Variants in SIAH3 observed in about 807,000 individuals in gnomAD.
SIAH3 encodes the protein siah E3 ubiquitin protein ligase family member 3.
A neutral mutation model predicts 12.6 loss-of-function variants in SIAH3; 9 were observed. The ratio of observed to expected loss-of-function variants is 0.72; its 90% CI spans 0.43 to 1.25. The LOEUF is 1.25. SIAH3 is among the 50% of genes most tolerant of loss of function. SIAH3 has a pLI of 0.00. For synonymous variants in SIAH3, 154 were observed against 151.1 expected, an observed-to-expected ratio of 1.02 and a Z score of -0.14; for missense variants, 390 against 365.4, an observed-to-expected ratio of 1.07 and a Z score of -0.55.
chr13:45,809,201 G>A (rs1950608213), intron 1 of SIAH3, among the ~76,000 whole-genome samples: 1 of 152,214 alleles, frequency 6.6e-6, no homozygotes, highest in South Asian at 2.1e-4. Context: ...ACTTAAGGTG[G>A]GGAGAATGCG....
intron 1 of SIAH3, among the ~76,000 whole-genome samples, chr13:45,812,221 T>A (rs931205970): frequency 6.6e-6 from 1 of 152,216 alleles, no homozygotes; most frequent in African/African-American, 2.4e-5. Flanking sequence ...CTATGTCCCA[T>A]GCTTTCCAGT....
intron 1 of SIAH3, among the ~76,000 whole-genome samples, chr13:45,837,560 GGAAGGAAGGAAT>G (rs1312213366): frequency 1.7e-3 from 106 of 61,484 alleles, no homozygotes; most frequent in African/African-American, 3.9e-3. Flanking sequence ...AAAGAAGGAG[GGAAGGAAGGAAT>G]GAAGGAAGGA....
rs1321372769 is a variant in SIAH3 at position 45,808,295 on chromosome 13, AAT to A, written c.136-24240_136-24239del. Among the ~76,000 whole-genome samples the A allele has an allele frequency of 3.9e-5, 6 of 152,246 alleles. No homozygotes were observed. The East Asian group carries it at 1.2e-3, about 29-fold the overall frequency. On this transcript the variant is annotated intron_variant, in intron 1 of 1. Transcript: ENST00000400405. ...GTTAAACAGCACAAAAAATTACAGA[AAT>A]AGTCTTTTAGTATCCTAAGACTATT...
chr13:45,798,294 T>C (rs1434641489), intron 1 of SIAH3, among the ~76,000 whole-genome samples: 1 of 152,238 alleles, frequency 6.6e-6, no homozygotes, highest in Non-Finnish European at 1.5e-5. Flanking sequence ...CCCATTGATT[T>C]CCATACCATT....
At chr13:45,784,398 G>GTTTTTTTTTT (rs35686357) in intron 1 of SIAH3, among the ~76,000 whole-genome samples, 234 of 65,570 alleles carry the variant, frequency 3.6e-3, no homozygotes, top group Non-Finnish European at 4.3e-3. Context: ...AAAGACAGCT[G>GTTTTTTTTTT]TTTTTTTTTT....
At chr13:45,789,024 A>G (rs1950536718) in intron 1 of SIAH3, among the ~76,000 whole-genome samples, 1 of 152,172 alleles carries the variant, frequency 6.6e-6, no homozygotes, top group Non-Finnish European at 1.5e-5. Context: ...TCTAGGTCTG[A>G]GCCAAGTTGG....
chr13:45,799,457 G>A (rs137862105), intron 1 of SIAH3, among the ~76,000 whole-genome samples: 229 of 152,300 alleles, frequency 1.5e-3, no homozygotes, highest in African/African-American at 5.2e-3. Context: ...CTTGAAATAC[G>A]GAATGGTCCT....
intron 1 of SIAH3, among the ~76,000 whole-genome samples, chr13:45,842,672 A>G (rs1950744502): frequency 6.6e-6 from 1 of 152,128 alleles, no homozygotes; most frequent in African/African-American, 2.4e-5. Context: ...TTTAATCTTT[A>G]CAACAACCAT....
chr13:45,819,794 C>G (rs547202474), intron 1 of SIAH3, among the ~76,000 whole-genome samples: 1 of 152,212 alleles, frequency 6.6e-6, no homozygotes, highest in East Asian at 1.9e-4. Flanking sequence ...GCCCCAAACC[C>G]ACTTCCAGGG....
At chr13:45,796,291 G>A (rs1950562421) in intron 1 of SIAH3, among the ~76,000 whole-genome samples, 1 of 152,176 alleles carries the variant, frequency 6.6e-6, no homozygotes, top group African/African-American at 2.4e-5. Flanking sequence ...ACGGATGTAT[G>A]TGGCCATTGT....
intron 1 of SIAH3, among the ~76,000 whole-genome samples, chr13:45,815,429 T>C (rs1950630992): frequency 6.6e-6 from 1 of 152,154 alleles, no homozygotes; most frequent in South Asian, 2.1e-4. Flanking sequence ...GCATCAGCTC[T>C]TCCCTGGGTC....
intron 1 of SIAH3, among the ~76,000 whole-genome samples, chr13:45,844,323 C>A (rs187195898): frequency 6.6e-6 from 1 of 152,234 alleles, no homozygotes; most frequent in East Asian, 1.9e-4. Flanking sequence ...TGGTGGGCAC[C>A]ATCTCATTGG....
intron 1 of SIAH3, among the ~76,000 whole-genome samples, chr13:45,792,743 G>A (rs1950550252): frequency 6.6e-6 from 1 of 152,092 alleles, no homozygotes; most frequent in Non-Finnish European, 1.5e-5. Context: ...CATTTATATA[G>A]ACAGTATGTG....
At chr13:45,816,976 C>T (rs970710086) in intron 1 of SIAH3, among the ~76,000 whole-genome samples, 1 of 152,180 alleles carries the variant, frequency 6.6e-6, no homozygotes, top group African/African-American at 2.4e-5. Context: ...ATCCTGCATC[C>T]TGTTTACTCT....
intron 1 of SIAH3, among the ~76,000 whole-genome samples, chr13:45,834,682 C>T (rs912165758): frequency 2.0e-5 from 3 of 152,096 alleles, no homozygotes; most frequent in African/African-American, 7.2e-5. Context: ...GAGTCAAGCC[C>T]GCAAACCGAC....
chr13:45,784,185 C>A (rs201745926), intron 1 of SIAH3, 128 bp from the exon 2 acceptor site: 1 of 700,332 alleles, frequency 1.4e-6, no homozygotes. Context: ...ATTTCTTAAA[C>A]AACAAACAAA....
rs143193921 is a variant in SIAH3 at position 45,781,425 on chromosome 13, C to G, written c.*1958G>C. The G allele has an allele frequency of 6.6e-6, 1 of 152,242 alleles. No homozygotes were observed. The highest frequency in any genetic ancestry group is 2.4e-5 in the African/African-American group (1 of 41,450). The allele number at this position is 152,242 out of a possible 1,614,324, so 9.4% of individuals were successfully genotyped here. ...AGGAGGAAGACAGCCAGTCTTTCCA[C>G]GCACAGACGGACCAGCCTCAGGTGT... On this transcript the variant is annotated 3_prime_UTR_variant, in exon 2 of 2. Coordinates refer to ENST00000400405, the MANE Select transcript of SIAH3 (RefSeq NM_198849.3).
rs1950493331 is a variant in SIAH3 at position 45,778,803 on chromosome 13, A to G, written c.*4580T>C. The G allele has an allele frequency of 6.6e-6, 1 of 152,230 alleles. No individual in the cohort carries two copies. The highest frequency in any genetic ancestry group is 1.5e-5 in the Non-Finnish European group (1 of 68,038). 9.4% of individuals were successfully genotyped at this position (152,230 alleles called of 1,614,324 possible). A position where few individuals can be genotyped will look rare whatever the true frequency, so the allele number is the denominator to read the frequency against. ...GCAGTATAAAAACTATTGACATAGC[A>G]TTTACATTGTATTAGGTATTATAAG... On this transcript the variant is annotated 3_prime_UTR_variant, in exon 2 of 2. Coordinates refer to ENST00000400405, the MANE Select transcript of SIAH3 (RefSeq NM_198849.3).
chr13:45,781,189 G>A lies in SIAH3; in HGVS notation c.*2194C>T, dbSNP rs1161047926. 2 of 152,678 alleles carry A rather than the reference G, an allele frequency of 1.3e-5. No individual in the cohort carries two copies. Among genetic ancestry groups the A allele is most frequent in the African/African-American group, 4.8e-5 (2 of 41,458 alleles). 9.5% of individuals were successfully genotyped at this position (152,678 alleles called of 1,614,324 possible). A position where few individuals can be genotyped will look rare whatever the true frequency, so the allele number is the denominator to read the frequency against. On this transcript the variant is annotated 3_prime_UTR_variant, in exon 2 of 2. Transcript: ENST00000400405. The stretch of plus-strand genomic sequence containing the variant: ...AACTTGGCACAACCAGAAGGCAAAG[G>A]TGATGTCTGCAGGAGCCCTAAGGCC...
Sources: allele counts gnomAD v4.1 joint callset (sites outside exome capture counted in the v4.1 genomes callset), GRCh38; gene constraint gnomAD v4.1.1; transcripts MANE v1.5; gene names NCBI Gene and HGNC (gene_info 2026-07-23, HGNC 2026-07-21).